Variants in ATP11C observed in about 807,000 individuals in gnomAD.
The protein encoded by ATP11C is ATPase phospholipid transporting 11C (ATP11C blood group), also known as phospholipid-transporting ATPase IG.
A neutral mutation model predicts 97.4 loss-of-function variants in ATP11C; 36 were observed. The ratio of observed to expected loss-of-function variants is 0.37; its 90% confidence interval spans 0.28 to 0.49. ATP11C has a LOEUF of 0.49. Among genes scored for constraint, ATP11C ranks in the 20% least tolerant of loss-of-function variants. The pLI is 0.98. For synonymous variants in ATP11C, 275 were observed against 290.9 expected, an observed-to-expected ratio of 0.95 and a Z score of 0.56; for missense variants, 730 against 824.6, an observed-to-expected ratio of 0.89 and a Z score of 1.40.
At chrX:139,778,289 T>C (rs2064086818) in intron 18 of ATP11C, among the ~76,000 whole-genome samples, 1 of 111,580 alleles carries the variant, frequency 9.0e-6, no homozygotes. Context: ...ACCAAACCTA[T>C]CCTATAAGAA....
intron 1 of ATP11C, among the ~76,000 whole-genome samples, chrX:139,882,266 T>C (rs745701133): frequency 6.3e-5 from 7 of 111,881 alleles, no homozygotes; most frequent in Non-Finnish European, 1.1e-4. Context: ...TTTCCTTCAA[T>C]GAAAAGTTTT....
At chrX:139,924,210 T>G (rs773299413) in intron 1 of ATP11C, 2 of 385,166 alleles carry the variant, frequency 5.2e-6, no homozygotes, top group Non-Finnish European at 1.0e-5. Context: ...CAATACTTCC[T>G]GGCTCCCCCA....
chrX:139,904,926 G>A (rs969483647), intron 1 of ATP11C, among the ~76,000 whole-genome samples: 14 of 111,957 alleles, frequency 1.3e-4, no homozygotes, highest in African/African-American at 4.5e-4. Flanking sequence ...AGTATGAACG[G>A]AGCTACTAGG....
At chrX:139,743,206 C>T (rs942380398) in intron 26 of ATP11C, among the ~76,000 whole-genome samples, 1 of 110,238 alleles carries the variant, frequency 9.1e-6, no homozygotes, top group Non-Finnish European at 1.9e-5. Flanking sequence ...CTCTCTCTCT[C>T]TCGCTCTCTC....
intron 23 of ATP11C, among the ~76,000 whole-genome samples, chrX:139,756,757 G>A (rs1862267922): frequency 9.1e-6 from 1 of 110,116 alleles, no homozygotes; most frequent in Non-Finnish European, 1.9e-5. Flanking sequence ...TTATAAGTGG[G>A]AGCTAAACAA....
intron 1 of ATP11C, among the ~76,000 whole-genome samples, chrX:139,831,191 G>A (rs1011627248): frequency 1.8e-5 from 2 of 111,624 alleles, no homozygotes; most frequent in Non-Finnish European, 3.8e-5. Flanking sequence ...AAGCAAGACT[G>A]ATGGGGCATT....
chrX:139,758,854 G>C (rs1030170800), intron 22 of ATP11C, among the ~76,000 whole-genome samples: 29 of 111,472 alleles, frequency 2.6e-4, no homozygotes, highest in Non-Finnish European at 5.5e-4. Flanking sequence ...TTAGCTCTAG[G>C]AGACTTGAGA....
chrX:139,734,474 G>A (rs772337389), intron 28 of ATP11C, among the ~76,000 whole-genome samples: 1 of 111,576 alleles, frequency 9.0e-6, no homozygotes, highest in East Asian at 2.8e-4. Context: ...TGACTTACAT[G>A]AGAAAACTTC....
At chrX:139,767,966 A>AT (rs1049706114) in intron 20 of ATP11C, among the ~76,000 whole-genome samples, 6 of 111,420 alleles carry the variant, frequency 5.4e-5, no homozygotes, top group Non-Finnish European at 1.9e-5. Context: ...AGCTAATGTC[A>AT]TAAGGGATCT....
chrX:139,917,898 G>A (rs909735913), intron 1 of ATP11C, among the ~76,000 whole-genome samples: 5 of 100,884 alleles, frequency 5.0e-5, no homozygotes, highest in Admixed American at 2.2e-4. Flanking sequence ...AGAGATTGCA[G>A]TGAGCAGAGA....
chrX:139,761,051 A>AG (rs1221802118), intron 22 of ATP11C, among the ~76,000 whole-genome samples: 1 of 110,966 alleles, frequency 9.0e-6, no homozygotes, highest in Non-Finnish European at 1.9e-5. Context: ...TGAGAGGCTG[A>AG]GGGGGGCAGA....
chrX:139,845,684 C>G (rs2083896760), intron 1 of ATP11C, among the ~76,000 whole-genome samples: 1 of 112,079 alleles, frequency 8.9e-6, no homozygotes, highest in African/African-American at 3.2e-5. Flanking sequence ...TCATCTTTAT[C>G]AACTACTGTC....
At chrX:139,823,921 A>C (rs777208455) in intron 2 of ATP11C, among the ~76,000 whole-genome samples, 3 of 110,496 alleles carry the variant, frequency 2.7e-5, no homozygotes, top group Non-Finnish European at 5.7e-5. Flanking sequence ...TTCTGGCAAA[A>C]GACTAATATC....
intron 24 of ATP11C, among the ~76,000 whole-genome samples, chrX:139,749,599 G>T (rs1344794223): frequency 9.0e-6 from 1 of 111,632 alleles, no homozygotes; most frequent in East Asian, 2.8e-4. Context: ...TGGGGTGTGG[G>T]GCGGCTAATG....
intron 1 of ATP11C, among the ~76,000 whole-genome samples, chrX:139,912,174 C>CA (rs1162620391): frequency 0.12 from 2,778 of 23,899 alleles, 361 homozygotes; most frequent in African/African-American, 0.28. Flanking sequence ...GACTCTGTCT[C>CA]AAAAAAAAAA....
chrX:139,924,936 T>C (rs960292560), intron 1 of ATP11C, among the ~76,000 whole-genome samples: 1 of 111,766 alleles, frequency 8.9e-6, no homozygotes, highest in Non-Finnish European at 1.9e-5. Context: ...CGTTTCTATG[T>C]ACTGAGTTCT....
chrX:139,770,371 A>G (rs1373856248), intron 19 of ATP11C, among the ~76,000 whole-genome samples: 1 of 112,095 alleles, frequency 8.9e-6, no homozygotes, highest in Non-Finnish European at 1.9e-5. Flanking sequence ...CTTGAAAAAC[A>G]GGGAATAAAG....
chrX:139,835,312 G>A (rs1358292798), intron 1 of ATP11C, among the ~76,000 whole-genome samples: 1 of 111,922 alleles, frequency 8.9e-6, no homozygotes, highest in Admixed American at 9.4e-5. Context: ...CGGTCTGTAT[G>A]TGTCTTGGGG....
chrX:139,867,239 G>A (rs1245743925), intron 1 of ATP11C, among the ~76,000 whole-genome samples: 1 of 111,430 alleles, frequency 9.0e-6, no homozygotes, highest in Non-Finnish European at 1.9e-5. Flanking sequence ...TTCCCTCATA[G>A]CGCTTACATT....
Sources: allele counts gnomAD v4.1 joint callset (sites outside exome capture counted in the v4.1 genomes callset), GRCh38; gene constraint gnomAD v4.1.1; transcripts MANE v1.5; gene names NCBI Gene and HGNC (gene_info 2026-07-23, HGNC 2026-07-21).